Variants in RAB38 observed in about 807,000 individuals in gnomAD.
RAB38 encodes the protein RAB38, member RAS oncogene family, also known as ras-related protein Rab-38.
In RAB38, 15 loss-of-function variants were observed where a neutral mutation model predicts 18.4. The ratio of observed to expected loss-of-function variants is 0.82; its 90% confidence interval spans 0.55 to 1.26. The LOEUF (loss-of-function observed/expected upper bound fraction) is 1.26. Ranked by LOEUF, RAB38 falls within the 50% of genes most tolerant of loss-of-function variation. The probability of loss-of-function intolerance (pLI) is 0.00; values close to 1 mark genes in which losing one functional copy is unlikely to be tolerated. For missense variants in RAB38, 294 were observed against 267.4 expected (o/e 1.10, Z -0.69); for synonymous variants, 101 against 104.4 (o/e 0.97, Z 0.20).
chr11:87,915,104 T>C, the RAB38 span, among the ~76,000 whole-genome samples: 1 of 152,200 alleles, frequency 6.6e-6, no homozygotes, highest in South Asian at 2.1e-4. Flanking sequence ...GACCCCAGAA[T>C]GGTAGAGCCA....
intron 1 of RAB38, among the ~76,000 whole-genome samples, chr11:88,158,753 C>A (rs895122187): frequency 6.6e-6 from 1 of 151,886 alleles, no homozygotes; most frequent in Non-Finnish European, 1.5e-5. Flanking sequence ...AAATAGGTAT[C>A]AAAGGAACAT....
the RAB38 span, among the ~76,000 whole-genome samples, chr11:87,859,109 A>G: frequency 6.6e-6 from 1 of 151,922 alleles, no homozygotes; most frequent in African/African-American, 2.4e-5. Context: ...ATTCATCACA[A>G]TACCTCACAA....
the RAB38 span, among the ~76,000 whole-genome samples, chr11:88,088,052 G>C: frequency 6.6e-6 from 1 of 151,814 alleles, no homozygotes; most frequent in East Asian, 2.0e-4. Flanking sequence ...GGAGGTGTGT[G>C]AATCTCTAGA....
the RAB38 span, among the ~76,000 whole-genome samples, chr11:87,818,483 T>G: frequency 1.3e-5 from 2 of 152,092 alleles, no homozygotes; most frequent in Non-Finnish European, 2.9e-5. Context: ...GTAAGTACCC[T>G]GAAGTTACAT....
chr11:88,027,653 G>A, the RAB38 span, among the ~76,000 whole-genome samples: 183 of 150,152 alleles, frequency 1.2e-3, 1 homozygote, highest in African/African-American at 3.5e-3. Flanking sequence ...ACTGCAAGGC[G>A]GCAGCGAGGC....
At chr11:88,059,023 T>G in the RAB38 span, among the ~76,000 whole-genome samples, 2 of 152,000 alleles carry the variant, frequency 1.3e-5, no homozygotes, top group Admixed American at 1.3e-4. Context: ...TGCTTAATGT[T>G]TAAGAACTCA....
chr11:87,827,791 A>T, the RAB38 span, among the ~76,000 whole-genome samples: 1 of 152,204 alleles, frequency 6.6e-6, no homozygotes, highest in Non-Finnish European at 1.5e-5. Flanking sequence ...CTTCTCAAAC[A>T]GAGATTCTGG....
chr11:87,890,104 G>A, the RAB38 span, among the ~76,000 whole-genome samples: 4 of 151,728 alleles, frequency 2.6e-5, no homozygotes, highest in Non-Finnish European at 4.4e-5. Context: ...CTTTCTAGGA[G>A]CACCAATCTA....
the RAB38 span, among the ~76,000 whole-genome samples, chr11:87,836,046 C>A: frequency 6.6e-6 from 1 of 152,168 alleles, no homozygotes; most frequent in African/African-American, 2.4e-5. Context: ...ACATAATATA[C>A]AGCCATAATA....
At chr11:88,089,390 C>G in the RAB38 span, among the ~76,000 whole-genome samples, 5 of 149,006 alleles carry the variant, frequency 3.4e-5, no homozygotes, top group Admixed American at 1.3e-4. Flanking sequence ...GGTTTCAATG[C>G]TGCTTTTTGT....
the RAB38 span, among the ~76,000 whole-genome samples, chr11:87,858,010 G>C: frequency 1.3e-5 from 2 of 152,158 alleles, no homozygotes; most frequent in African/African-American, 2.4e-5. Flanking sequence ...TAACATTTAA[G>C]TCTTTAATCC....
chr11:87,940,939 G>T, the RAB38 span, among the ~76,000 whole-genome samples: 1 of 151,652 alleles, frequency 6.6e-6, no homozygotes, highest in East Asian at 1.9e-4. Flanking sequence ...GCCCAGAAGG[G>T]TTATACATAC....
At chr11:88,021,932 G>C in the RAB38 span, among the ~76,000 whole-genome samples, 1 of 150,382 alleles carries the variant, frequency 6.6e-6, no homozygotes. Context: ...GGCTCCCAAA[G>C]TACTGGGATT....
At chr11:87,955,526 G>C in the RAB38 span, among the ~76,000 whole-genome samples, 4 of 152,082 alleles carry the variant, frequency 2.6e-5, no homozygotes, top group African/African-American at 9.7e-5. Flanking sequence ...ATTATTTAAA[G>C]TATCAGTAGA....
the RAB38 span, among the ~76,000 whole-genome samples, chr11:87,922,759 A>G: frequency 1.3e-5 from 2 of 151,850 alleles, no homozygotes; most frequent in South Asian, 4.2e-4. Context: ...CACTCAGTAC[A>G]TATTTTAAAG....
the RAB38 span, among the ~76,000 whole-genome samples, chr11:87,889,853 G>GA: frequency 2.0e-5 from 3 of 151,568 alleles, no homozygotes; most frequent in Non-Finnish European, 4.4e-5. Context: ...TTTGCAACTA[G>GA]AATGTGTCCT....
At chr11:87,832,330 T>TA in the RAB38 span, among the ~76,000 whole-genome samples, 33 of 152,292 alleles carry the variant, frequency 2.2e-4, no homozygotes, top group African/African-American at 5.8e-4. Flanking sequence ...ATCAGTCACT[T>TA]AAAAAAATCC....
chr11:88,035,863 T>C, the RAB38 span, among the ~76,000 whole-genome samples: 1 of 151,084 alleles, frequency 6.6e-6, no homozygotes, highest in African/African-American at 2.4e-5. Context: ...TCAATGCCCT[T>C]TTTTTTTTCT....
chr11:88,157,295 C>G (rs1319231128), intron 1 of RAB38, among the ~76,000 whole-genome samples: 2 of 152,220 alleles, frequency 1.3e-5, no homozygotes, highest in Non-Finnish European at 2.9e-5. Context: ...TAAGACTTAA[C>G]TGTCCTGAAT....
Sources: allele counts gnomAD v4.1 joint callset (sites outside exome capture counted in the v4.1 genomes callset), GRCh38; gene constraint gnomAD v4.1.1; transcripts MANE v1.5; gene names NCBI Gene and HGNC (gene_info 2026-07-23, HGNC 2026-07-21).